SYT1: variants seen among roughly 807,000 people sequenced by gnomAD.
SYT1 encodes synaptotagmin 1, also known as synaptotagmin-1.
SYT1 carries 8 observed loss-of-function variants against 44.8 expected under a neutral mutation model. The observed-to-expected ratio is 0.18, with a 90% CI of 0.10 to 0.32. The LOEUF is 0.32. SYT1 is among the 10% of genes least tolerant of loss of function. The pLI is 1.00. For synonymous variants in SYT1, 154 were observed against 188.8 expected, an observed-to-expected ratio of 0.82 and a Z score of 1.51; for missense variants, 286 against 509.3, an observed-to-expected ratio of 0.56 and a Z score of 4.22.
intron 3 of SYT1, among the ~76,000 whole-genome samples, chr12:79,179,540 TATAG>T (rs368084684): frequency 0.65 from 88,527 of 136,668 alleles, 30,555 homozygotes; most frequent in African/African-American, 0.71. Flanking sequence ...TAGATATAGA[TATAG>T]AGATATAGAT....
In SYT1 at chr12:79,350,246, C is replaced by CTTTT. The variant is rs1166413638; in HGVS notation, c.811-3235_811-3232dup. ...TCAGGGCCTCCCCAGGATGCATATTCTTTTTTTTTTTTTTTTTTTTTTTTG... is the reference window on the plus strand; with the variant it reads ...TCAGGGCCTCCCCAGGATGCATATTCTTTTTTTTTTTTTTTTTTTTTTTTTTTTG... On this transcript the variant is annotated intron_variant, in intron 8 of 10. Coordinates refer to ENST00000261205, the MANE Select transcript of SYT1 (RefSeq NM_005639.3). 2.0e-3 allele frequency among the ~76,000 whole-genome samples: 197 copies of CTTTT among 97,518 alleles called. 1 individual carries two copies. Among genetic ancestry groups the CTTTT allele is most frequent in the African/African-American group, 5.7e-3 (133 of 23,318 alleles). The allele number at this position is 97,518 out of a possible 152,430, so 64.0% of individuals were successfully genotyped here. A position where few individuals can be genotyped will look rare whatever the true frequency, so the allele number is the denominator to read the frequency against.
At chr12:79,248,452 C>T (rs948676637) in intron 4 of SYT1, among the ~76,000 whole-genome samples, 1 of 152,072 alleles carries the variant, frequency 6.6e-6, no homozygotes, top group South Asian at 2.1e-4. Context: ...GCATGAAAGC[C>T]AGAGACCTTT....
At chr12:78,968,455 G>C (rs114193813) in intron 1 of SYT1, among the ~76,000 whole-genome samples, 1,782 of 152,174 alleles carry the variant, frequency 0.012, 38 homozygotes, top group African/African-American at 0.039. Context: ...ATGCCCAAGG[G>C]AACAAGATGA....
rs1870923014 is a variant in SYT1 at position 79,449,471 on chromosome 12, T to TATC, written c.*348_*350dup. 1 of 221,284 alleles carries TATC rather than the reference T, an allele frequency of 4.5e-6. No individual in the cohort carries two copies. The allele number at this position is 221,284 out of a possible 1,614,324, so 13.7% of individuals were successfully genotyped here. On this transcript the variant is annotated 3_prime_UTR_variant, in exon 11 of 11. Coordinates refer to ENST00000261205, the MANE Select transcript of SYT1 (RefSeq NM_005639.3). ...TTGTAAGCGTTTCCTAATCTGTGTATATCTAGATGTTTTTAATAAGATGTT... is the reference window on the plus strand; with the variant it reads ...TTGTAAGCGTTTCCTAATCTGTGTATATCATCTAGATGTTTTTAATAAGATGTT...
chr12:79,305,677 C>G (rs1880357980), intron 8 of SYT1, among the ~76,000 whole-genome samples: 1 of 152,166 alleles, frequency 6.6e-6, no homozygotes, highest in Non-Finnish European at 1.5e-5. Context: ...AACTACAATT[C>G]AAACACAGGT....
intron 3 of SYT1, among the ~76,000 whole-genome samples, chr12:79,182,428 T>A (rs143161977): frequency 6.6e-6 from 1 of 152,024 alleles, no homozygotes; most frequent in Non-Finnish European, 1.5e-5. Context: ...CTTCATAAAG[T>A]CTACTTGAGT....
chr12:79,042,362 A>G (rs982150665), intron 2 of SYT1, among the ~76,000 whole-genome samples: 102 of 149,882 alleles, frequency 6.8e-4, no homozygotes, highest in African/African-American at 2.3e-3. Context: ...GGGAGAGTGT[A>G]TGTGTCGAGG....
chr12:79,191,150 ATTTG>A (rs1193407719), intron 3 of SYT1, among the ~76,000 whole-genome samples: 2 of 151,864 alleles, frequency 1.3e-5, no homozygotes, highest in Non-Finnish European at 2.9e-5. Context: ...GTATCTTATT[ATTTG>A]TTTATTTTTG....
chr12:79,445,536 G>A (rs897091516), intron 10 of SYT1, among the ~76,000 whole-genome samples: 8 of 151,812 alleles, frequency 5.3e-5, no homozygotes, highest in African/African-American at 1.9e-4. Flanking sequence ...TTCCACATGA[G>A]TAAGAACATA....
intron 8 of SYT1, among the ~76,000 whole-genome samples, chr12:79,337,781 G>C (rs902075319): frequency 2.0e-5 from 3 of 152,240 alleles, no homozygotes; most frequent in Middle Eastern, 3.4e-3. Context: ...TAACTGTGCA[G>C]GTCAAATCTG....
At chr12:79,174,237 T>C (rs757483656) in intron 3 of SYT1, among the ~76,000 whole-genome samples, 3 of 152,018 alleles carry the variant, frequency 2.0e-5, no homozygotes, top group Non-Finnish European at 2.9e-5. Flanking sequence ...CACAATGTGG[T>C]GTAAGCTAGT....
At chr12:78,883,967 GT>G (rs1336144678) in intron 1 of SYT1, among the ~76,000 whole-genome samples, 3 of 151,228 alleles carry the variant, frequency 2.0e-5, no homozygotes, top group Admixed American at 2.0e-4. Flanking sequence ...ATTTTAGCTT[GT>G]TTTTTAAATA....
chr12:79,247,124 A>G (rs990593572), intron 4 of SYT1, among the ~76,000 whole-genome samples: 12 of 152,320 alleles, frequency 7.9e-5, no homozygotes, highest in African/African-American at 2.9e-4. Flanking sequence ...AAAAATAAAG[A>G]TAATTACATT....
chr12:79,250,388 G>A (rs978168689), intron 4 of SYT1, among the ~76,000 whole-genome samples: 1 of 152,052 alleles, frequency 6.6e-6, no homozygotes, highest in Admixed American at 6.5e-5. Context: ...TCCTAATAAG[G>A]GCTTTCCTGG....
intron 8 of SYT1, among the ~76,000 whole-genome samples, chr12:79,318,019 A>C (rs1881179240): frequency 6.6e-6 from 1 of 152,200 alleles, no homozygotes; most frequent in South Asian, 2.1e-4. Flanking sequence ...CAAATTTAAA[A>C]ATTTTTAAAG....
intron 3 of SYT1, among the ~76,000 whole-genome samples, chr12:79,116,100 C>T (rs1056378000): frequency 2.0e-5 from 3 of 152,094 alleles, no homozygotes; most frequent in Admixed American, 1.3e-4. Context: ...ATTTCAGGTA[C>T]CTTGTCATTA....
intron 2 of SYT1, among the ~76,000 whole-genome samples, chr12:79,032,440 G>C (rs868551693): frequency 3.6e-4 from 54 of 151,186 alleles, no homozygotes; most frequent in African/African-American, 4.4e-4. Context: ...ATGTTTGCCT[G>C]TTTTATAGAA....
intron 3 of SYT1, among the ~76,000 whole-genome samples, chr12:79,148,728 T>G (rs1318830199): frequency 6.6e-6 from 1 of 152,252 alleles, no homozygotes; most frequent in African/African-American, 2.4e-5. Context: ...TATATCTGTA[T>G]GTGCAAAAAC....
At chr12:79,110,404 C>T (rs1592756954) in intron 3 of SYT1, among the ~76,000 whole-genome samples, 1 of 152,088 alleles carries the variant, frequency 6.6e-6, no homozygotes, top group South Asian at 2.1e-4. Context: ...TCCTTTTTTC[C>T]TCCTAAAATA....
Sources: allele counts gnomAD v4.1 joint callset (sites outside exome capture counted in the v4.1 genomes callset), GRCh38; gene constraint gnomAD v4.1.1; transcripts MANE v1.5; gene names NCBI Gene and HGNC (gene_info 2026-07-23, HGNC 2026-07-21).